NLGN4X: variants seen among roughly 807,000 people sequenced by gnomAD.
NLGN4X encodes the protein neuroligin 4 X-linked, also known as neuroligin-4, X-linked.
In NLGN4X, 3 loss-of-function variants were observed where a neutral mutation model predicts 40.3. The observed-to-expected ratio is 0.07, with a 90% CI of 0.03 to 0.19. NLGN4X has a LOEUF of 0.19. Ranked by LOEUF, NLGN4X falls within the 10% of genes least tolerant of loss-of-function variation. NLGN4X has a pLI of 1.00. For missense variants in NLGN4X, 382 were observed against 708.3 expected, an observed-to-expected ratio of 0.54 and a Z score of 5.23; for synonymous variants, 270 against 306.8, an observed-to-expected ratio of 0.88 and a Z score of 1.25.
At chrX:6,204,363 T>A (rs1346810212) in intron 1 of NLGN4X, among the ~76,000 whole-genome samples, 3 of 112,169 alleles carry the variant, frequency 2.7e-5, no homozygotes. Flanking sequence ...TGAGTTTTTA[T>A]GGTTGTTGTT....
chrX:6,036,812 C>A (rs5915627), intron 2 of NLGN4X, among the ~76,000 whole-genome samples: 46,846 of 110,292 alleles, frequency 0.42, 7,426 homozygotes, highest in Admixed American at 0.5. Flanking sequence ...ATACTCCAAG[C>A]AAAAGTACAA....
intron 2 of NLGN4X, among the ~76,000 whole-genome samples, chrX:6,117,132 T>C (rs2039320948): frequency 9.0e-6 from 1 of 111,194 alleles, no homozygotes; most frequent in South Asian, 3.8e-4. Context: ...TCACTTTCAT[T>C]CCCTGTATCC....
intron 2 of NLGN4X, among the ~76,000 whole-genome samples, chrX:6,131,768 C>T (rs1569256092): frequency 8.9e-6 from 1 of 112,115 alleles, no homozygotes; most frequent in East Asian, 2.8e-4. Flanking sequence ...CATTGGTGCT[C>T]CATTGCAATT....
At chrX:6,162,630 G>A (rs937026412) in intron 1 of NLGN4X, among the ~76,000 whole-genome samples, 3 of 111,018 alleles carry the variant, frequency 2.7e-5, no homozygotes, top group African/African-American at 6.6e-5. Context: ...CCTTGTGATC[G>A]TGTGAACAAA....
At chrX:5,939,207 C>T (rs762847954) in intron 3 of NLGN4X, among the ~76,000 whole-genome samples, 1 of 110,914 alleles carries the variant, frequency 9.0e-6, no homozygotes, top group Admixed American at 9.6e-5. Flanking sequence ...TGGGGGTTTG[C>T]AGGATGGGAA....
intron 3 of NLGN4X, among the ~76,000 whole-genome samples, chrX:5,988,841 G>A (rs908764720): frequency 4.5e-5 from 5 of 111,925 alleles, no homozygotes; most frequent in African/African-American, 1.3e-4. Context: ...AAGGCGGGCA[G>A]AACACTTGAA....
chrX:5,971,832 G>A (rs2035028644), intron 3 of NLGN4X, among the ~76,000 whole-genome samples: 1 of 111,530 alleles, frequency 9.0e-6, no homozygotes, highest in South Asian at 3.8e-4. Context: ...AGGGACAACA[G>A]TATTAAATGA....
chrX:5,897,499 ACAATG>A (rs1311094123), intron 5 of NLGN4X, among the ~76,000 whole-genome samples: 1 of 111,840 alleles, frequency 8.9e-6, no homozygotes. Flanking sequence ...CCTTATTTCT[ACAATG>A]CCTCTGCATG....
intron 3 of NLGN4X, among the ~76,000 whole-genome samples, chrX:5,932,989 T>C (rs1446829879): frequency 9.0e-6 from 1 of 110,960 alleles, no homozygotes; most frequent in African/African-American, 3.3e-5. Context: ...ATGGGTGAGC[T>C]ATGAATGAAT....
intron 5 of NLGN4X, 29 bp downstream of exon 5, chrX:5,903,048 G>C (rs751432088): frequency 8.3e-7 from 1 of 1,207,312 alleles, no homozygotes; most frequent in Non-Finnish European, 1.1e-6. Context: ...GGCAAGGATA[G>C]TGATACCCCA....
chrX:6,042,455 AT>A (rs1218675794), intron 2 of NLGN4X, among the ~76,000 whole-genome samples: 30 of 101,152 alleles, frequency 3.0e-4, no homozygotes, highest in East Asian at 1.5e-3. Context: ...AGCCTTTCCC[AT>A]TTTTTTTTTA....
At chrX:5,899,690 C>CTTTTTTTTTTTTTT (rs72374207) in intron 5 of NLGN4X, among the ~76,000 whole-genome samples, 1 of 96,005 alleles carries the variant, frequency 1.0e-5, no homozygotes, top group Non-Finnish European at 2.1e-5. Flanking sequence ...GTCTTTTTTC[C>CTTTTTTTTTTTTTT]TTTTTTTTTT....
intron 3 of NLGN4X, among the ~76,000 whole-genome samples, chrX:5,936,530 T>G (rs1478240820): frequency 1.1e-4 from 12 of 111,964 alleles, no homozygotes; most frequent in Non-Finnish European, 9.4e-5. Flanking sequence ...TTATTACTGA[T>G]TATAAATTTT....
chrX:6,101,312 T>C (rs2038903355), intron 2 of NLGN4X, among the ~76,000 whole-genome samples: 1 of 111,711 alleles, frequency 9.0e-6, no homozygotes, highest in South Asian at 3.8e-4. Flanking sequence ...TTCATATGTT[T>C]ATATCCAAAC....
chrX:6,074,181 A>G, intron 2 of NLGN4X, among the ~76,000 whole-genome samples: 1 of 111,394 alleles, frequency 9.0e-6, no homozygotes. Flanking sequence ...TGCTCCACAA[A>G]GGACAGCTGA....
intron 1 of NLGN4X, among the ~76,000 whole-genome samples, chrX:6,206,124 G>A (rs866841590): frequency 9.1e-6 from 1 of 109,952 alleles, no homozygotes; most frequent in Admixed American, 9.7e-5. Flanking sequence ...TGAATTATGA[G>A]ACCCCCCACT....
chrX:6,083,720 G>C (rs2038427516), intron 2 of NLGN4X, among the ~76,000 whole-genome samples: 1 of 112,401 alleles, frequency 8.9e-6, no homozygotes, highest in Non-Finnish European at 1.9e-5. Context: ...AACAGAGTTT[G>C]TATCTTGGAC....
chrX:6,035,987 T>C (rs1291484652), intron 2 of NLGN4X, among the ~76,000 whole-genome samples: 1 of 111,832 alleles, frequency 8.9e-6, no homozygotes, highest in Non-Finnish European at 1.9e-5. Flanking sequence ...CAGTAGACTA[T>C]TGGTTGTTAA....
chrX:6,121,149 TAC>T (rs35061904), intron 2 of NLGN4X, among the ~76,000 whole-genome samples: 30,240 of 102,230 alleles, frequency 0.3, 3,496 homozygotes, highest in Admixed American at 0.41. Context: ...TATATATACA[TAC>T]ACACACACAC....
Sources: allele counts gnomAD v4.1 joint callset (sites outside exome capture counted in the v4.1 genomes callset), GRCh38; gene constraint gnomAD v4.1.1; transcripts MANE v1.5; gene names NCBI Gene and HGNC (gene_info 2026-07-23, HGNC 2026-07-21).